Variants in MYO1D observed in about 807,000 individuals in gnomAD.
MYO1D encodes the protein myosin ID.
MYO1D carries 83 observed loss-of-function variants against 122.0 expected under a neutral mutation model. The ratio of observed to expected loss-of-function variants is 0.68; its 90% confidence interval spans 0.57 to 0.82. MYO1D has a LOEUF of 0.82. MYO1D is among the 40% of genes least tolerant of loss of function. The pLI is 0.00. For missense variants in MYO1D, 1,157 were observed against 1,269.5 expected, an observed-to-expected ratio of 0.91 and a Z score of 1.35; for synonymous variants, 464 against 446.9, an observed-to-expected ratio of 1.04 and a Z score of -0.48.
intron 21 of MYO1D, among the ~76,000 whole-genome samples, chr17:32,552,401 AATCCATCCATCCATCCACCC>A (rs773780398): frequency 1.8e-3 from 230 of 128,352 alleles, no homozygotes; most frequent in Middle Eastern, 3.9e-3. Context: ...TAACCTTTGT[AATCCATCCATCCATCCACCC>A]ATCCATCCAT....
At chr17:32,751,249 T>C (rs946920301) in intron 11 of MYO1D, among the ~76,000 whole-genome samples, 1 of 152,280 alleles carries the variant, frequency 6.6e-6, no homozygotes, top group South Asian at 2.1e-4. Context: ...AAACCTCTAA[T>C]TTAACATGCC....
chr17:32,641,014 C>T (rs1321431708), intron 19 of MYO1D, among the ~76,000 whole-genome samples: 1 of 151,850 alleles, frequency 6.6e-6, no homozygotes, highest in African/African-American at 2.4e-5. Context: ...TATACACCTG[C>T]CATGTTGGTG....
At chr17:32,778,659 T>C (rs1342191499) in intron 2 of MYO1D, 86 bp from the exon 3 acceptor site, 2 of 1,188,354 alleles carry the variant, frequency 1.7e-6, no homozygotes, top group Non-Finnish European at 2.4e-6. Flanking sequence ...AAAAATCTGA[T>C]ACTGGTGATG....
At chr17:32,546,086 G>C (rs1597888496) in intron 21 of MYO1D, among the ~76,000 whole-genome samples, 1 of 152,142 alleles carries the variant, frequency 6.6e-6, no homozygotes, top group Non-Finnish European at 1.5e-5. Flanking sequence ...CAGATTCACA[G>C]TCTGGGTCGC....
intron 21 of MYO1D, among the ~76,000 whole-genome samples, chr17:32,574,777 A>G (rs936857425): frequency 6.6e-6 from 1 of 152,184 alleles, no homozygotes; most frequent in Non-Finnish European, 1.5e-5. Flanking sequence ...ATCCCTGGTG[A>G]GCTGTGTAGG....
At chr17:32,581,536 CCT>C (rs539933871) in intron 21 of MYO1D, among the ~76,000 whole-genome samples, 35 of 147,370 alleles carry the variant, frequency 2.4e-4, no homozygotes, top group Non-Finnish European at 2.3e-4. Context: ...TCTCTTCCTT[CCT>C]CTCTCTCTCT....
intron 21 of MYO1D, among the ~76,000 whole-genome samples, chr17:32,536,550 T>C (rs944609312): frequency 1.3e-5 from 2 of 152,216 alleles, no homozygotes; most frequent in Non-Finnish European, 2.9e-5. Context: ...GTTTGGCTTA[T>C]ATGAGTTATA....
intron 21 of MYO1D, among the ~76,000 whole-genome samples, chr17:32,530,579 T>C (rs1468166151): frequency 6.6e-6 from 1 of 152,138 alleles, no homozygotes; most frequent in Non-Finnish European, 1.5e-5. Flanking sequence ...GGTGGGAGGA[T>C]CACTTGAGTC....
chr17:32,762,049 ATGGGGTCT>A (rs897799815), intron 8 of MYO1D, among the ~76,000 whole-genome samples: 7 of 152,008 alleles, frequency 4.6e-5, no homozygotes, highest in African/African-American at 1.7e-4. Flanking sequence ...GGAGAGGTAC[ATGGGGTCT>A]TAGGGAAATT....
At chr17:32,712,489 T>A (rs2089391144) in intron 15 of MYO1D, among the ~76,000 whole-genome samples, 1 of 152,146 alleles carries the variant, frequency 6.6e-6, no homozygotes, top group South Asian at 2.1e-4. Context: ...AAACATTCTT[T>A]TTACAAACAG....
intron 21 of MYO1D, chr17:32,518,870 C>T (rs1909993774): frequency 6.6e-6 from 1 of 152,268 alleles, no homozygotes; most frequent in South Asian, 2.1e-4. Flanking sequence ...CTCAGAGGTC[C>T]TGGAAATTCT....
intron 21 of MYO1D, chr17:32,497,575 C>T (rs1278460691): frequency 6.6e-6 from 1 of 152,314 alleles, no homozygotes; most frequent in Non-Finnish European, 1.5e-5. Flanking sequence ...GGGCTGAAAC[C>T]TTTTCCTCCT....
At chr17:32,607,186 C>G (rs982687662) in intron 20 of MYO1D, among the ~76,000 whole-genome samples, 1 of 151,758 alleles carries the variant, frequency 6.6e-6, no homozygotes, top group Admixed American at 6.6e-5. Flanking sequence ...AAAAAGCATA[C>G]AGATTGAAAA....
At chr17:32,822,556 C>T (rs1449524727) in intron 1 of MYO1D, among the ~76,000 whole-genome samples, 1 of 122,432 alleles carries the variant, frequency 8.2e-6, no homozygotes, top group Non-Finnish European at 1.9e-5. Flanking sequence ...CGGCTCGGGA[C>T]GGGGCCCGGG....
At chr17:32,581,115 T>C (rs533010716) in intron 21 of MYO1D, among the ~76,000 whole-genome samples, 4 of 152,372 alleles carry the variant, frequency 2.6e-5, no homozygotes, top group East Asian at 3.9e-4. Context: ...ATGAATTAAA[T>C]TTCTTTAATA....
intron 16 of MYO1D, among the ~76,000 whole-genome samples, chr17:32,706,141 T>C (rs533831766): frequency 6.6e-6 from 1 of 152,214 alleles, no homozygotes; most frequent in Non-Finnish European, 1.5e-5. Flanking sequence ...AGAGTCTCAC[T>C]CTGTCATCCA....
At chr17:32,701,196 G>C (rs1261624930) in intron 16 of MYO1D, among the ~76,000 whole-genome samples, 1 of 151,968 alleles carries the variant, frequency 6.6e-6, no homozygotes, top group African/African-American at 2.4e-5. Context: ...TGATTTTCTA[G>C]GAAAATATAA....
rs543855860 is a variant in MYO1D at position 32,634,055 on chromosome 17, A to G, written c.2709+4667T>C. On this transcript the variant is annotated intron_variant, in intron 20 of 21. Transcript: ENST00000318217. ...TGTTCCTAATACATATGTGGCTGGCATATAATGAACACTTAGTAATTATCT... is the reference window on the plus strand; with the variant it reads ...TGTTCCTAATACATATGTGGCTGGCGTATAATGAACACTTAGTAATTATCT... Among the ~76,000 whole-genome samples the G allele has an allele frequency of 3.9e-5, 6 of 152,332 alleles. No individual in the cohort carries two copies. In the East Asian group the frequency reaches 9.6e-4, roughly 24 times the overall value.
In MYO1D at chr17:32,654,486, A is replaced by G; in HGVS notation, c.2481T>C (p.Tyr827=). 6.2e-7 allele frequency: 1 copy of G among 1,612,274 alleles called. No homozygotes were observed. ...LGLQRAWEGN[Y]LASKPDTPQT... ...GTTCCCTTGGACTTACTGAAGCAAG[A>G]TAGTTGCCCTCCCAGGCCCTCTGGA... Residue 827 remains tyrosine, a synonymous_variant, in exon 18 of 22, where the codon TAT becomes TAC. Coordinates refer to ENST00000318217, the MANE Select transcript of MYO1D (RefSeq NM_015194.3).
Sources: allele counts gnomAD v4.1 joint callset (sites outside exome capture counted in the v4.1 genomes callset), GRCh38; gene constraint gnomAD v4.1.1; transcripts MANE v1.5; gene names NCBI Gene and HGNC (gene_info 2026-07-23, HGNC 2026-07-21).